MAP3K19: variants seen among roughly 807,000 people sequenced by gnomAD.
MAP3K19 encodes the protein mitogen-activated protein kinase kinase kinase 19, also known as SPS1/STE20-related protein kinase YSK4.
A neutral mutation model predicts 114.4 loss-of-function variants in MAP3K19; 91 were observed. The ratio of observed to expected loss-of-function variants is 0.80; its 90% CI spans 0.67 to 0.95. MAP3K19 has a LOEUF of 0.95. MAP3K19 is among the 40% of genes least tolerant of loss of function. The pLI, the probability that MAP3K19 is intolerant of heterozygous loss-of-function variation, is 0.00. For missense variants in MAP3K19, 1,471 were observed against 1,573.2 expected (o/e 0.94, Z 1.10); for synonymous variants, 518 against 530.5 (o/e 0.98, Z 0.32).
At chr2:135,026,923 T>C (rs1183553819) in intron 3 of MAP3K19, among the ~76,000 whole-genome samples, 1 of 152,208 alleles carries the variant, frequency 6.6e-6, no homozygotes, top group Non-Finnish European at 1.5e-5. Context: ...CACATCACTT[T>C]GCAATTGTGA....
rs749541818 is a variant in MAP3K19 at position 134,987,266 on chromosome 2, T to A, written c.1606A>T (p.Ser536Cys). The change falls in exon 10 of 13, where the codon AGT becomes TGT. Residue 536 changes from serine to cysteine, a missense_variant. Coordinates refer to ENST00000392915, the MANE Select transcript of MAP3K19 (RefSeq NM_025052.5). Reference protein sequence around the residue: ...NDKHKMNSHRSKLDSKTKTSK... With the variant: ...NDKHKMNSHRCKLDSKTKTSK... ...GTCTTGGTCTTTGAATCCAACTTACTCCTATGGGAATTCATCTTATGCTTG... is the reference window on the plus strand; with the variant it reads ...GTCTTGGTCTTTGAATCCAACTTACACCTATGGGAATTCATCTTATGCTTG... 1 of 1,614,172 alleles carries A rather than the reference T, an allele frequency of 6.2e-7. No homozygotes were observed. Among genetic ancestry groups the A allele is most frequent in the Non-Finnish European group, 8.5e-7 (1 of 1,180,046 alleles).
chr2:134,991,527 C>G lies in MAP3K19; in HGVS notation c.618+10G>C, dbSNP rs556013348. 1.4e-5 allele frequency: 23 copies of G among 1,612,064 alleles called. No individual in the cohort carries two copies. In the East Asian group the frequency reaches 2.5e-4, roughly 17 times the overall value. ...AATTCTCAAGTCAAAAATGCTAGCA[C>G]TAATCTTACCTTGATGCTTCGGCCA... On this transcript the variant is annotated intron_variant, in intron 9 of 12. Coordinates refer to ENST00000392915, the MANE Select transcript of MAP3K19 (RefSeq NM_025052.5).
chr2:134,967,176 GCC>G (rs1470844221), intron 12 of MAP3K19, among the ~76,000 whole-genome samples: 1 of 152,098 alleles, frequency 6.6e-6, no homozygotes, highest in Non-Finnish European at 1.5e-5. Context: ...AAAAGTCATC[GCC>G]ACTCCCCAGT....
chr2:135,009,633 G>A (rs956869159), intron 5 of MAP3K19, among the ~76,000 whole-genome samples: 8 of 152,156 alleles, frequency 5.3e-5, no homozygotes, highest in African/African-American at 1.2e-4. Context: ...TCATTTGTCA[G>A]TTGGTCCTGT....
intron 12 of MAP3K19, among the ~76,000 whole-genome samples, chr2:134,979,127 T>C (rs1437120608): frequency 6.6e-6 from 1 of 152,106 alleles, no homozygotes; most frequent in Non-Finnish European, 1.5e-5. Flanking sequence ...CCAAGGAGTA[T>C]TGTTATTGAT....
intron 12 of MAP3K19, among the ~76,000 whole-genome samples, chr2:134,974,490 G>T (rs138683566): frequency 2.0e-5 from 3 of 152,104 alleles, no homozygotes; most frequent in East Asian, 1.9e-4. Context: ...ACCTTTCTAG[G>T]TTGTATCTAT....
rs61650738 is a variant in MAP3K19, at chr2:134,997,820, A to AAAAAAAAAAAAAAAAC, written c.574+917_574+918insGTTTTTTTTTTTTTTT. Among the ~76,000 whole-genome samples, 4,513 of 147,960 alleles carry AAAAAAAAAAAAAAAAC rather than the reference A, an allele frequency of 0.031. 486 individuals carry two copies. In the East Asian group the frequency reaches 0.33, roughly 11 times the overall value. ...GTGACAGAGCGAGACTCCGTCTCAA[A>AAAAAAAAAAAAAAAAC]AAAAAAAAAACTTTAAGCACTGCTT... is the stretch of plus-strand genomic sequence containing the variant. On this transcript the variant is annotated intron_variant, in intron 8 of 12. Transcript: ENST00000392915.
At chr2:135,034,840 G>A (rs1574056021) in intron 2 of MAP3K19, among the ~76,000 whole-genome samples, 1 of 73,800 alleles carries the variant, frequency 1.4e-5, no homozygotes, top group Non-Finnish European at 3.0e-5. Context: ...GGAGGGGGAG[G>A]GGGAGGGGGA....
chr2:134,976,954 G>A (rs572108828), intron 12 of MAP3K19, among the ~76,000 whole-genome samples: 61 of 151,174 alleles, frequency 4.0e-4, no homozygotes, highest in Non-Finnish European at 7.2e-4. Flanking sequence ...GGCTGAGACA[G>A]GAGAATTGCT....
At chr2:134,985,603 A>G (rs559378570) in intron 10 of MAP3K19, among the ~76,000 whole-genome samples, 197 bp downstream of exon 10, 38 of 152,228 alleles carry the variant, frequency 2.5e-4, no homozygotes, top group Non-Finnish European at 4.3e-4. Flanking sequence ...TCCAGAAGGG[A>G]GTCAATATAA....
Position 135,021,823 on chromosome 2 carries a change from A to G in MAP3K19, c.30T>C (p.His10=). The change falls in exon 5 of 13, where the codon CAT becomes CAC. Residue 10 remains histidine (H), a synonymous_variant. Transcript: ENST00000392915. The stretch of plus-strand genomic sequence containing the variant: ...GACAAATGTCAAGCAATGACTCAGC[A>G]TGTCTTTCTATCAAAAGAAACATAA... MSSMPKPER[H]AESLLDICHD... 6.3e-7 allele frequency: 1 copy of G among 1,586,616 alleles called. No individual in the cohort carries two copies. The highest frequency in any genetic ancestry group is 8.6e-7 in the Non-Finnish European group (1 of 1,161,864).
At chr2:135,031,095 A>G (rs910186798) in intron 2 of MAP3K19, among the ~76,000 whole-genome samples, 3 of 152,052 alleles carry the variant, frequency 2.0e-5, no homozygotes, top group African/African-American at 7.3e-5. Context: ...GACTGCACCA[A>G]TGAACAAGAC....
intron 12 of MAP3K19, among the ~76,000 whole-genome samples, chr2:134,974,010 TG>T (rs1481208051): frequency 6.6e-6 from 1 of 152,222 alleles, no homozygotes; most frequent in Non-Finnish European, 1.5e-5. Flanking sequence ...TTTGTTTGTT[TG>T]TTTTTTTGAG....
In MAP3K19 at chr2:134,987,454, C is replaced by T. The variant is rs199849486; in HGVS notation, c.1418G>A (p.Arg473Lys). 45 of 1,614,134 alleles carry T rather than the reference C, an allele frequency of 2.8e-5. No individual in the cohort carries two copies. The East Asian group carries it at 9.4e-4, about 34-fold the overall frequency. The change falls in exon 10 of 13, where the codon AGA becomes AAA. Residue 473 changes from arginine to lysine, a missense_variant. Transcript: ENST00000392915. The stretch of plus-strand genomic sequence containing the variant: ...CATCCTACTCATTTCTGGTTTGGCT[C>T]TTTCTGCTATTGATATTTTTATGTT... ...ETNIKISIAE[R>K]AKPEMSRMVP...
chr2:134,967,796 G>C (rs1194253351), intron 12 of MAP3K19, among the ~76,000 whole-genome samples: 1 of 151,838 alleles, frequency 6.6e-6, no homozygotes, highest in Non-Finnish European at 1.5e-5. Flanking sequence ...GGTATGCTGA[G>C]CGCCGGTCCC....
chr2:134,968,588 T>C (rs1379801282), intron 12 of MAP3K19, among the ~76,000 whole-genome samples: 14 of 140,512 alleles, frequency 1.0e-4, no homozygotes, highest in East Asian at 2.2e-4. Context: ...TCCTCACTTC[T>C]CAGACGGGGC....
chr2:135,035,193 T>G (rs1688500440), intron 2 of MAP3K19, among the ~76,000 whole-genome samples: 1 of 152,086 alleles, frequency 6.6e-6, no homozygotes, highest in Non-Finnish European at 1.5e-5. Context: ...GCTCAGGAGT[T>G]CAAGACCAGC....
At chr2:135,015,301 T>C (rs1687508025) in intron 5 of MAP3K19, among the ~76,000 whole-genome samples, 1 of 152,228 alleles carries the variant, frequency 6.6e-6, no homozygotes, top group Admixed American at 6.5e-5. Context: ...GACTAAAAGC[T>C]GAGCATCTTT....
intron 3 of MAP3K19, 32 bp from the exon 4 acceptor site, chr2:135,024,773 T>A: frequency 1.3e-6 from 1 of 777,228 alleles, no homozygotes; most frequent in Non-Finnish European, 2.1e-6. Flanking sequence ...TTAAAGTTTA[T>A]TTAGTTGAAT....
Sources: gnomAD v4.1 joint callset for allele counts (sites outside exome capture counted in the v4.1 genomes callset) on GRCh38, gnomAD v4.1.1 for gene constraint, MANE v1.5 for transcripts, NCBI Gene and HGNC (gene_info 2026-07-23, HGNC 2026-07-21) for gene names.